ZC3H14: variants seen among roughly 807,000 people sequenced by gnomAD.
The protein encoded by ZC3H14 is zinc finger CCCH domain-containing protein 14.
Under a neutral mutation model 92.4 loss-of-function variants are expected in ZC3H14, and 31 were observed. The ratio of observed to expected loss-of-function variants is 0.34; its 90% confidence interval spans 0.25 to 0.45. The LOEUF (loss-of-function observed/expected upper bound fraction) is 0.45. ZC3H14 is among the 20% of genes least tolerant of loss of function. ZC3H14 has a pLI of 1.00. For missense variants in ZC3H14, 781 were observed against 897.3 expected, an observed-to-expected ratio of 0.87 and a Z score of 1.66; for synonymous variants, 321 against 300.9, an observed-to-expected ratio of 1.07 and a Z score of -0.69.
intron 9 of ZC3H14, among the ~76,000 whole-genome samples, chr14:88,582,125 T>C (rs7146996): frequency 0.61 from 92,744 of 152,160 alleles, 30,239 homozygotes; most frequent in Non-Finnish European, 0.74. Context: ...ACCTCTGATA[T>C]AGTAGATGAG....
At chr14:88,569,851 G>A (rs2080166635) in intron 3 of ZC3H14, among the ~76,000 whole-genome samples, 1 of 152,180 alleles carries the variant, frequency 6.6e-6, no homozygotes, top group African/African-American at 2.4e-5. Flanking sequence ...GAAGAACATT[G>A]TATAGTGGTC....
chr14:88,576,803 T>C (rs1471828662), intron 8 of ZC3H14, among the ~76,000 whole-genome samples: 2 of 152,138 alleles, frequency 1.3e-5, no homozygotes, highest in Admixed American at 1.3e-4. Context: ...TTTGTTTTCT[T>C]TTTTTGAGGC....
rs1477120432 is a variant in ZC3H14 at position 88,572,839 on chromosome 14, G to A, written c.693G>A (p.Arg231=). 1.3e-5 allele frequency: 21 copies of A among 1,614,034 alleles called. No homozygotes were observed. Among genetic ancestry groups the A allele is most frequent in the Non-Finnish European group, 1.7e-5 (20 of 1,180,032 alleles). The change falls in exon 6 of 17, where the codon AGG becomes AGA. Residue 231 remains arginine (R), a synonymous_variant. Transcript: ENST00000251038. ...RNADSGVHLN[R]LQFQQQQNSI... ...CAGATAGTGGTGTTCATTTAAACAGGTTGCAATTTCAACAGCAGCAGAATA... is the reference window on the plus strand; with the variant it reads ...CAGATAGTGGTGTTCATTTAAACAGATTGCAATTTCAACAGCAGCAGAATA...
In ZC3H14 at chr14:88,578,091, C is replaced by T. The variant is rs797046114; in HGVS notation, c.1230C>T (p.Pro410=). 4 of 1,613,750 alleles carry T rather than the reference C, an allele frequency of 2.5e-6. No homozygotes were observed. In the African/African-American group the frequency reaches 4.0e-5, roughly 16 times the overall value. The change falls in exon 9 of 17, where the codon CCC becomes CCT. Residue 410 remains proline (P), a synonymous_variant. Transcript: ENST00000251038. The part of the protein sequence containing the change: ...QGQSRTPRIS[P]PIKEEETKGD... ...AAAGTAGGACCCCCAGAATAAGTCC[C>T]CCCATTAAAGAAGAGGAAACAAAAG... is the stretch of plus-strand genomic sequence containing the variant.
intron 6 of ZC3H14, chr14:88,574,178 T>C (rs1023889081): frequency 6.5e-6 from 1 of 154,100 alleles, no homozygotes; most frequent in African/African-American, 2.4e-5. Context: ...ATAAAATAAA[T>C]GTAAAGTTCT....
In ZC3H14 at chr14:88,615,840, T is replaced by C; in HGVS notation, c.*4089T>C. On this transcript the variant is annotated 3_prime_UTR_variant, in exon 17 of 17. Transcript: ENST00000251038. ...CTCTCAGTGAGGTGTATGTACACAT[T>C]TCCAGACAAATAAGCTGCAATCAGA... 6.2e-7 allele frequency: 1 copy of C among 1,611,946 alleles called. No individual in the cohort carries two copies. Among genetic ancestry groups the C allele is most frequent in the Non-Finnish European group, 8.5e-7 (1 of 1,179,074 alleles).
chr14:88,563,793 G>A, intron 2 of ZC3H14, 100 bp downstream of exon 2: 1 of 1,143,994 alleles, frequency 8.7e-7, no homozygotes, highest in Non-Finnish European at 1.3e-6. Flanking sequence ...GACATTGGGA[G>A]AGACTCCCTT....
Position 88,625,143 on chromosome 14 carries a change from G to A in ZC3H14, c.*13392G>A. ...TCAAGTTATTCTGAAAAGGAGTGGG[G>A]GAGGGGGAGACAAACTCATCAAAAG... On this transcript the variant is annotated 3_prime_UTR_variant, in exon 17 of 17. Transcript: ENST00000251038. 6.2e-7 allele frequency: 1 copy of A among 1,612,642 alleles called. No individual in the cohort carries two copies. The highest frequency in any genetic ancestry group is 2.2e-5 in the East Asian group (1 of 44,846).
chr14:88,579,972 G>A (rs186383340), intron 9 of ZC3H14, among the ~76,000 whole-genome samples: 1 of 152,352 alleles, frequency 6.6e-6, no homozygotes, highest in African/African-American at 2.4e-5. Flanking sequence ...AACACTTTGG[G>A]AGGCTGAGGC....
rs149831438 is a variant in ZC3H14 at position 88,572,160 on chromosome 14, G to A, written c.366G>A (p.Ala122=). Residue 122 remains alanine (A), a synonymous_variant, in exon 5 of 17, where the codon GCG becomes GCA. Transcript: ENST00000251038. ...AAVPPLAIPS[A]RPEKRDSRVS... is the part of the protein sequence containing the mutation. The stretch of plus-strand genomic sequence containing the variant: ...TGCCACCACTTGCCATTCCTAGCGC[G>A]AGACCTGAAAAAAGAGATTCCAGAG... 51 of 1,614,034 alleles carry A rather than the reference G, an allele frequency of 3.2e-5. No individual in the cohort carries two copies. The highest frequency in any genetic ancestry group is 2.7e-4 in the African/African-American group (20 of 75,018).
chr14:88,572,191 A>T lies in ZC3H14; in HGVS notation c.397A>T (p.Thr133Ser). 1 of 1,614,174 alleles carries T rather than the reference A, an allele frequency of 6.2e-7. No homozygotes were observed. The highest frequency in any genetic ancestry group is 8.5e-7 in the Non-Finnish European group (1 of 1,180,038). Residue 133 changes from threonine to serine, a missense_variant, in exon 5 of 17, where the codon ACA (threonine) becomes TCA (serine). This residue lies in a region of ZC3H14 where 454 missense variants were observed against 438.5 expected (regional missense o/e 1.04). Coordinates refer to ENST00000251038, the MANE Select transcript of ZC3H14 (RefSeq NM_024824.5). ...RPEKRDSRVS[T>S]SSQESKTTNV... is the part of the protein sequence containing the mutation. Reference sequence around the variant, plus strand: ...TGAAAAAAGAGATTCCAGAGTTTCTACAAGTTCGCAGGAGTCAAAAACCAC... The same window carrying T: ...TGAAAAAAGAGATTCCAGAGTTTCTTCAAGTTCGCAGGAGTCAAAAACCAC...
intron 9 of ZC3H14, chr14:88,586,816 A>G (rs1298135195): frequency 6.6e-6 from 1 of 152,228 alleles, no homozygotes; most frequent in East Asian, 1.9e-4. Flanking sequence ...ATCAAATAGT[A>G]TAAAAAAGAT....
chr14:88,574,520 G>A, intron 6 of ZC3H14, 173 bp from the exon 7 acceptor site: 1 of 769,568 alleles, frequency 1.3e-6, no homozygotes, highest in South Asian at 1.8e-5. Flanking sequence ...TAGGATTACA[G>A]ATGTGAGCCA....
chr14:88,625,917 C>T lies in ZC3H14; in HGVS notation c.*14166C>T, dbSNP rs1366134308. Reference sequence around the variant, plus strand: ...CACCAAAGGATTTATACAGCCTAGCCAATGCAGGATATTAAAGGAAAGAGA... The same window carrying T: ...CACCAAAGGATTTATACAGCCTAGCTAATGCAGGATATTAAAGGAAAGAGA... On this transcript the variant is annotated 3_prime_UTR_variant, in exon 17 of 17. Transcript: ENST00000251038. 6.6e-6 allele frequency: 1 copy of T among 152,124 alleles called. No homozygotes were observed. The highest frequency in any genetic ancestry group is 1.5e-5 in the Non-Finnish European group (1 of 68,036). The allele number at this position is 152,124 out of a possible 1,614,324, so 9.4% of individuals were successfully genotyped here.
chr14:88,582,025 C>G (rs770920749), intron 9 of ZC3H14, among the ~76,000 whole-genome samples: 4 of 152,182 alleles, frequency 2.6e-5, no homozygotes, highest in Non-Finnish European at 4.4e-5. Flanking sequence ...TATGTATTGT[C>G]CGTGGCTACT....
In ZC3H14 at chr14:88,578,070, T is replaced by G. The variant is rs2081392831; in HGVS notation, c.1209T>G (p.Ser403Arg). The stretch of plus-strand genomic sequence containing the variant: ...TAGCAGAAGTGGTCCAGGGACAAAG[T>G]AGGACCCCCAGAATAAGTCCCCCCA... ...ELLAEVVQGQSRTPRISPPIK... is the reference protein window; with the variant it reads ...ELLAEVVQGQRRTPRISPPIK... The change falls in exon 9 of 17, where the codon AGT becomes AGG. Residue 403 changes from serine to arginine, a missense_variant. This residue lies in a region of ZC3H14 where 454 missense variants were observed against 438.5 expected (regional missense o/e 1.04). Transcript: ENST00000251038. 3.1e-6 allele frequency: 5 copies of G among 1,613,980 alleles called. No homozygotes were observed. The highest frequency in any genetic ancestry group is 4.2e-6 in the Non-Finnish European group (5 of 1,180,016).
At chr14:88,604,422 A>G (rs1169275137) in intron 12 of ZC3H14, among the ~76,000 whole-genome samples, 1 of 151,954 alleles carries the variant, frequency 6.6e-6, no homozygotes, top group African/African-American at 2.4e-5. Context: ...AGTTCTCAGG[A>G]GTCTCTAGTC....
chr14:88,622,531 A>C lies in ZC3H14; in HGVS notation c.*10780A>C. 1 of 1,205,052 alleles carries C rather than the reference A, an allele frequency of 8.3e-7. No homozygotes were observed. The highest frequency in any genetic ancestry group is 1.1e-6 in the Non-Finnish European group (1 of 871,562). 74.6% of individuals were successfully genotyped at this position (1,205,052 alleles called of 1,614,324 possible). On this transcript the variant is annotated 3_prime_UTR_variant, in exon 17 of 17. Transcript: ENST00000251038. ...ATTAAGTATTGTTCATTAGGCTGCA[A>C]AGGGTGAGGGAATCACAGTAATAAC...
intron 9 of ZC3H14, among the ~76,000 whole-genome samples, chr14:88,587,686 C>G (rs1195797257): frequency 6.6e-6 from 1 of 152,174 alleles, no homozygotes; most frequent in Non-Finnish European, 1.5e-5. Flanking sequence ...TGGCTCACAC[C>G]TGTAATCCCA....
Sources: allele counts gnomAD v4.1 joint callset (sites outside exome capture counted in the v4.1 genomes callset), GRCh38; gene constraint gnomAD v4.1.1; regional missense constraint gnomAD v4.1.1; transcripts MANE v1.5; gene names NCBI Gene and HGNC (gene_info 2026-07-23, HGNC 2026-07-21).